The following DACH2 variants were observed in gnomAD, a reference collection of about 807,000 sequenced individuals.
DACH2 encodes dachshund homolog 2.
DACH2 carries 17 observed loss-of-function variants against 35.8 expected under a neutral mutation model. That is an observed-to-expected ratio of 0.48 (90% CI 0.33 to 0.71). The LOEUF is 0.71. Ranked by LOEUF, DACH2 falls within the 30% of genes least tolerant of loss-of-function variation. The pLI is 0.02. For missense variants in DACH2, 469 were observed against 472.7 expected (o/e 0.99, Z 0.07); for synonymous variants, 195 against 177.3 (o/e 1.10, Z -0.79).
rs2030246580 is a variant in DACH2, at chrX:86,148,723, C to T, written c.103C>T (p.Pro35Ser). 4 of 1,210,894 alleles carry T rather than the reference C, an allele frequency of 3.3e-6. No homozygotes were observed. The highest frequency in any genetic ancestry group is 4.5e-6 in the Non-Finnish European group (4 of 895,259). Residue 35 changes from proline to serine, a missense_variant, in exon 1 of 12, where the codon CCC becomes TCC. Pro to Ser is a moderately conservative substitution (Grantham distance 74). Transcript: ENST00000373125. ...ACCCCTGTACTCGACTCCCAGAGAG[C>T]CCCCTCGTCTTACTCCTAATATGAT... Reference protein sequence around the residue: ...AEPLYSTPREPPRLTPNMINS... With the variant: ...AEPLYSTPRESPRLTPNMINS...
chrX:86,768,586 G>A (rs1216517424), intron 7 of DACH2, among the ~76,000 whole-genome samples: 1 of 111,308 alleles, frequency 9.0e-6, no homozygotes, highest in Non-Finnish European at 1.9e-5. Flanking sequence ...AGAAAGATTG[G>A]GTGTTCAGCA....
At chrX:86,411,538 C>G (rs1300329497) in intron 2 of DACH2, among the ~76,000 whole-genome samples, 2 of 111,082 alleles carry the variant, frequency 1.8e-5, no homozygotes, top group African/African-American at 6.6e-5. Flanking sequence ...CATCATATGA[C>G]TATCTCTTGT....
intron 2 of DACH2, among the ~76,000 whole-genome samples, chrX:86,472,410 A>G (rs1436414210): frequency 8.9e-6 from 1 of 111,781 alleles, no homozygotes; most frequent in African/African-American, 3.2e-5. Context: ...AAGAAAGCGA[A>G]TCCTGTTGAC....
intron 1 of DACH2, among the ~76,000 whole-genome samples, chrX:86,242,752 T>C (rs2033193517): frequency 9.0e-6 from 1 of 111,294 alleles, no homozygotes; most frequent in African/African-American, 3.3e-5. Flanking sequence ...TGGGAGGTAA[T>C]TGGATCATGG....
chrX:86,224,103 C>T (rs62592844), intron 1 of DACH2, among the ~76,000 whole-genome samples: 39,145 of 109,948 alleles, frequency 0.36, 6,158 homozygotes, highest in East Asian at 0.72. Flanking sequence ...CCCTTTCCTG[C>T]AGAAAGGAAG....
At chrX:86,794,100 T>C (rs2042213006) in intron 7 of DACH2, among the ~76,000 whole-genome samples, 1 of 111,330 alleles carries the variant, frequency 9.0e-6, no homozygotes, top group African/African-American at 3.3e-5. Flanking sequence ...CAACAAAACA[T>C]TTCCCTGTGA....
At chrX:86,708,573 C>G (rs1602828860) in intron 5 of DACH2, among the ~76,000 whole-genome samples, 1 of 86,566 alleles carries the variant, frequency 1.2e-5, no homozygotes, top group African/African-American at 4.7e-5. Flanking sequence ...TAAGTGGGAA[C>G]TAAATCATAT....
At chrX:86,243,604 A>T (rs1345865813) in intron 1 of DACH2, among the ~76,000 whole-genome samples, 1 of 111,376 alleles carries the variant, frequency 9.0e-6, no homozygotes, top group Non-Finnish European at 1.9e-5. Flanking sequence ...GAGACAGTGG[A>T]TTTATACAGA....
intron 1 of DACH2, among the ~76,000 whole-genome samples, chrX:86,229,590 C>T (rs1267919086): frequency 8.9e-6 from 1 of 111,805 alleles, no homozygotes; most frequent in African/African-American, 3.2e-5. Context: ...TGATTCTACC[C>T]ATCCATAAGC....
chrX:86,819,426 C>T (rs1157184581), intron 11 of DACH2, among the ~76,000 whole-genome samples: 1 of 110,838 alleles, frequency 9.0e-6, no homozygotes, highest in African/African-American at 3.3e-5. Flanking sequence ...TCATTAAGTG[C>T]ACCTTCAGAT....
chrX:86,693,254 C>G (rs967340491), intron 4 of DACH2, among the ~76,000 whole-genome samples: 3 of 112,391 alleles, frequency 2.7e-5, no homozygotes, highest in African/African-American at 9.7e-5. Flanking sequence ...GCCATCTTAT[C>G]TGAATGGCTT....
At chrX:86,626,979 C>T (rs779746038) in intron 3 of DACH2, among the ~76,000 whole-genome samples, 5 of 112,531 alleles carry the variant, frequency 4.4e-5, no homozygotes, top group South Asian at 3.7e-4. Context: ...TGCAAATTTC[C>T]GCAGCTGGCT....
intron 1 of DACH2, among the ~76,000 whole-genome samples, chrX:86,286,115 GTTTTTTTTTTT>G (rs753864299): frequency 9.4e-4 from 43 of 45,770 alleles, no homozygotes; most frequent in African/African-American, 4.1e-3. Context: ...CAGCCAGTCT[GTTTTTTTTTTT>G]TTTTTTTTTT....
At chrX:86,796,898 G>GT (rs961986421) in intron 7 of DACH2, among the ~76,000 whole-genome samples, 226 of 106,318 alleles carry the variant, frequency 2.1e-3, no homozygotes, top group African/African-American at 2.8e-3. Context: ...CATACATATT[G>GT]TTTTTTTTTT....
Position 86,814,803 on chromosome X carries a change from C to G in DACH2, c.1653C>G (p.Thr551=). Residue 551 remains threonine (T), a synonymous_variant, in exon 10 of 12, where the codon ACC becomes ACG. Transcript: ENST00000373125. ...EQVEQALKQA[T]TSDSGLRMLK... ...TGGAGCAGGCACTTAAGCAAGCCAC[C>G]ACTAGTGACAGTGGCCTGAGGATGT... The G allele has an allele frequency of 8.3e-7, 1 of 1,210,378 alleles. No individual in the cohort carries two copies. The highest frequency in any genetic ancestry group is 1.1e-6 in the Non-Finnish European group (1 of 894,768).
intron 1 of DACH2, among the ~76,000 whole-genome samples, chrX:86,334,686 C>T (rs1256967417): frequency 9.0e-6 from 1 of 111,448 alleles, no homozygotes; most frequent in Non-Finnish European, 1.9e-5. Flanking sequence ...TTATTGCAAA[C>T]GTCTTCTCCC....
At chrX:86,714,146 G>T (rs995369809) in intron 5 of DACH2, among the ~76,000 whole-genome samples, 18 of 111,668 alleles carry the variant, frequency 1.6e-4, no homozygotes, top group African/African-American at 5.9e-4. Context: ...GTGTCTTAAA[G>T]AAATTGTAAA....
rs1358058474 is a variant in DACH2 at position 86,483,842 on chromosome X, G to T, written c.528-30437G>T. On this transcript the variant is annotated intron_variant, in intron 2 of 11. Transcript: ENST00000373125. ...GTGAGACCTAGTCTCAAAAAAAAAT[G>T]CAGTCAGGAAAAGTTATGAGTATCT... 3.9e-5 allele frequency among the ~76,000 whole-genome samples: 4 copies of T among 103,561 alleles called. No homozygotes were observed. In the East Asian group the frequency reaches 1.3e-3, roughly 33 times the overall value. 89.9% of individuals were successfully genotyped at this position (103,561 alleles called of 115,157 possible). A position where few individuals can be genotyped will look rare whatever the true frequency, so the allele number is the denominator to read the frequency against.
intron 3 of DACH2, among the ~76,000 whole-genome samples, chrX:86,550,946 G>C (rs1442818381): frequency 9.0e-6 from 1 of 111,640 alleles, no homozygotes; most frequent in Non-Finnish European, 1.9e-5. Flanking sequence ...GGGGAATATG[G>C]CTTCAGTGTC....
Sources: gnomAD v4.1 joint callset for allele counts (sites outside exome capture counted in the v4.1 genomes callset) on GRCh38, gnomAD v4.1.1 for gene constraint, MANE v1.5 for transcripts, NCBI Gene and HGNC (gene_info 2026-07-23, HGNC 2026-07-21) for gene names.